The following NRXN3 variants were observed in gnomAD, a reference collection of about 807,000 sequenced individuals.
NRXN3 encodes the protein neurexin 3.
Under a neutral mutation model 137.6 loss-of-function variants are expected in NRXN3, and 32 were observed. The ratio of observed to expected loss-of-function variants is 0.23; its 90% confidence interval spans 0.18 to 0.31. The LOEUF is 0.31. NRXN3 is among the 10% of genes least tolerant of loss of function. The pLI is 1.00. For missense variants in NRXN3, 1,574 were observed against 2,062.5 expected, an observed-to-expected ratio of 0.76 and a Z score of 4.59; for synonymous variants, 798 against 784.5, an observed-to-expected ratio of 1.02 and a Z score of -0.29.
chr14:78,876,049 AT>A (rs1325899539), intron 10 of NRXN3, among the ~76,000 whole-genome samples: 1 of 152,146 alleles, frequency 6.6e-6, no homozygotes, highest in African/African-American at 2.4e-5. Flanking sequence ...CAGTCTTTTC[AT>A]TTTAAGCTTA....
At chr14:79,387,631 T>C (rs937544229) in intron 15 of NRXN3, among the ~76,000 whole-genome samples, 2 of 144,334 alleles carry the variant, frequency 1.4e-5, no homozygotes, top group South Asian at 2.4e-4. Context: ...ATAAATCATG[T>C]TGCTATAAAG....
At chr14:78,925,893 A>G (rs1404881810) in intron 10 of NRXN3, among the ~76,000 whole-genome samples, 1 of 152,234 alleles carries the variant, frequency 6.6e-6, no homozygotes, top group Non-Finnish European at 1.5e-5. Context: ...AGGGCACAAC[A>G]ATAGTCGCCC....
intron 3 of NRXN3, among the ~76,000 whole-genome samples, chr14:78,285,042 G>A (rs1041708138): frequency 6.6e-6 from 1 of 152,164 alleles, no homozygotes; most frequent in Admixed American, 6.6e-5. Flanking sequence ...GGAGGTGTAC[G>A]CCCTTGGGCA....
chr14:78,343,828 T>C (rs2082403167), intron 4 of NRXN3, among the ~76,000 whole-genome samples: 1 of 152,176 alleles, frequency 6.6e-6, no homozygotes, highest in African/African-American at 2.4e-5. Flanking sequence ...TCAGAATCTT[T>C]GGGCATGGGA....
chr14:79,861,919 C>G lies in NRXN3; in HGVS notation c.4671C>G (p.Ser1557Arg). The G allele has an allele frequency of 1.9e-6, 3 of 1,613,612 alleles. No individual in the cohort carries two copies. Among genetic ancestry groups the G allele is most frequent in the Non-Finnish European group, 2.5e-6 (3 of 1,179,814 alleles). Residue 1557 changes from serine to arginine, a missense_variant, in exon 21 of 21, where the codon AGC becomes AGG. By Grantham distance (110) the Ser-to-Arg change is moderately radical. Around this residue, in one of 5 missense-constraint regions of NRXN3, gnomAD observed 320 missense variants for 387.1 expected, o/e 0.83. Coordinates refer to ENST00000335750, the MANE Select transcript of NRXN3 (RefSeq NM_001330195.2). The surrounding 1 kb of genome is among the most constrained non-coding windows in gnomAD (Gnocchi z 5.4). ...AGGAGAAGCAGCAGAGCTCGAAGAG[C>G]GGCCACAAGAAACAGAAAAACAAGG... ...LMKEKQQSSK[S>R]GHKKQKNKDR...
At chr14:78,376,345 C>T (rs556993466) in intron 4 of NRXN3, among the ~76,000 whole-genome samples, 8 of 152,206 alleles carry the variant, frequency 5.3e-5, no homozygotes, top group Non-Finnish European at 8.8e-5. Flanking sequence ...TGCAAACCCA[C>T]TGTTGCCACA....
intron 15 of NRXN3, among the ~76,000 whole-genome samples, chr14:79,463,051 G>A (rs1432979472): frequency 6.6e-6 from 1 of 152,042 alleles, no homozygotes; most frequent in Non-Finnish European, 1.5e-5. Context: ...CATAAAGGCA[G>A]GGCCAGGGGG....
intron 15 of NRXN3, among the ~76,000 whole-genome samples, chr14:79,284,382 A>ATG (rs2081891047): frequency 8.3e-6 from 1 of 120,540 alleles, no homozygotes; most frequent in Non-Finnish European, 1.6e-5. Flanking sequence ...ATATATATAT[A>ATG]TATGTATCTC....
chr14:79,530,269 A>G (rs2097157849), intron 16 of NRXN3, among the ~76,000 whole-genome samples: 1 of 152,174 alleles, frequency 6.6e-6, no homozygotes, highest in Non-Finnish European at 1.5e-5. Flanking sequence ...GCACATAGTC[A>G]CATTTAAAGT....
intron 15 of NRXN3, among the ~76,000 whole-genome samples, chr14:79,325,069 A>G (rs1472598569): frequency 6.6e-6 from 1 of 152,134 alleles, no homozygotes; most frequent in Non-Finnish European, 1.5e-5. Flanking sequence ...ATTTATTTCT[A>G]TAATCTCTGC....
chr14:79,793,370 A>G (rs1023906152), intron 19 of NRXN3, among the ~76,000 whole-genome samples: 6 of 152,148 alleles, frequency 3.9e-5, no homozygotes, highest in Non-Finnish European at 5.9e-5. Flanking sequence ...AGCCGAGATC[A>G]AGCCACTGCT....
At chr14:78,476,298 T>G (rs960140309) in intron 4 of NRXN3, among the ~76,000 whole-genome samples, 7 of 152,200 alleles carry the variant, frequency 4.6e-5, no homozygotes, top group East Asian at 1.9e-4. Flanking sequence ...TAAGGAGAAC[T>G]GGTAGAGTGA....
At chr14:79,090,606 C>T (rs910206264) in intron 15 of NRXN3, among the ~76,000 whole-genome samples, 4 of 152,080 alleles carry the variant, frequency 2.6e-5, no homozygotes, top group African/African-American at 9.7e-5. Context: ...ACCATGGCTT[C>T]ATATCTGGCC....
At chr14:79,820,881 G>C (rs926682569) in intron 20 of NRXN3, among the ~76,000 whole-genome samples, 2 of 152,114 alleles carry the variant, frequency 1.3e-5, no homozygotes, top group Non-Finnish European at 2.9e-5. Context: ...ACCCCAGAGG[G>C]AGCATAAGGT....
At chr14:78,566,578 C>T (rs2096838259) in intron 4 of NRXN3, among the ~76,000 whole-genome samples, 1 of 152,186 alleles carries the variant, frequency 6.6e-6, no homozygotes, top group African/African-American at 2.4e-5. Context: ...GCCCTGGCCA[C>T]AGAGCCAGAC....
chr14:79,800,089 A>G (rs866457220), intron 19 of NRXN3, among the ~76,000 whole-genome samples: 2 of 152,310 alleles, frequency 1.3e-5, no homozygotes, highest in South Asian at 2.1e-4. Context: ...TGAATAACTT[A>G]TAGAGAATAT....
At chr14:79,159,195 G>C (rs1378705479) in intron 15 of NRXN3, among the ~76,000 whole-genome samples, 1 of 151,848 alleles carries the variant, frequency 6.6e-6, no homozygotes, top group Admixed American at 6.6e-5. Context: ...ATCTGCTTTT[G>C]CTTTGATTTG....
intron 15 of NRXN3, among the ~76,000 whole-genome samples, chr14:79,285,446 G>T (rs770736648): frequency 9.2e-5 from 14 of 152,190 alleles, no homozygotes; most frequent in Non-Finnish European, 1.9e-4. Context: ...CTGCCATAAA[G>T]TAGTAAAGTA....
intron 10 of NRXN3, among the ~76,000 whole-genome samples, chr14:78,816,411 C>T (rs915944889): frequency 1.3e-5 from 2 of 152,050 alleles, no homozygotes; most frequent in African/African-American, 4.8e-5. Flanking sequence ...CTTTTTGACA[C>T]AAATACCAAC....
Sources: allele counts gnomAD v4.1 joint callset (sites outside exome capture counted in the v4.1 genomes callset), GRCh38; gene constraint gnomAD v4.1.1; regional missense constraint gnomAD v4.1.1; non-coding constraint Gnocchi (gnomAD v3.1); transcripts MANE v1.5; gene names NCBI Gene and HGNC (gene_info 2026-07-23, HGNC 2026-07-21).